The following DPP10 variants were observed in gnomAD, a reference collection of about 807,000 sequenced individuals.
The protein encoded by DPP10 is inactive dipeptidyl peptidase 10.
A neutral mutation model predicts 120.9 loss-of-function variants in DPP10; 33 were observed. That is an observed-to-expected ratio of 0.27 (90% CI 0.21 to 0.37). The LOEUF (loss-of-function observed/expected upper bound fraction) is 0.37, where lower values mean the gene tolerates loss of function less well. Ranked by LOEUF, DPP10 falls within the 10% of genes least tolerant of loss-of-function variation. The probability of loss-of-function intolerance (pLI) is 1.00; values close to 1 mark genes in which losing one functional copy is unlikely to be tolerated. For missense variants in DPP10, 816 were observed against 942.8 expected, an observed-to-expected ratio of 0.87 and a Z score of 1.76; for synonymous variants, 337 against 326.1, an observed-to-expected ratio of 1.03 and a Z score of -0.36.
chr2:114,719,916 G>C (rs1701597308), intron 1 of DPP10, among the ~76,000 whole-genome samples: 1 of 152,304 alleles, frequency 6.6e-6, no homozygotes, highest in African/African-American at 2.4e-5. Flanking sequence ...AAAATCTATT[G>C]GGCCTGCAGA....
chr2:115,650,888 G>C (rs2087711818), intron 5 of DPP10, among the ~76,000 whole-genome samples: 1 of 151,944 alleles, frequency 6.6e-6, no homozygotes, highest in Non-Finnish European at 1.5e-5. Context: ...GTCCAACGAA[G>C]GGAAGAGAAA....
intron 2 of DPP10, among the ~76,000 whole-genome samples, chr2:115,319,781 G>A (rs1464043014): frequency 6.6e-6 from 1 of 152,162 alleles, no homozygotes; most frequent in Non-Finnish European, 1.5e-5. Flanking sequence ...ACTGGTGTCT[G>A]GAGAGGGCTG....
At chr2:115,384,501 A>G (rs188769588) in intron 3 of DPP10, among the ~76,000 whole-genome samples, 87 of 149,138 alleles carry the variant, frequency 5.8e-4, no homozygotes, top group Admixed American at 2.4e-3. Flanking sequence ...GAAGAGGAAA[A>G]GAAGAAGAAG....
At chr2:115,840,877 A>G in intron 25 of DPP10, 54 bp downstream of exon 25, 2 of 1,457,806 alleles carry the variant, frequency 1.4e-6, no homozygotes, top group Non-Finnish European at 1.9e-6. Flanking sequence ...TTCACTTGTG[A>G]GATACGCAAC....
chr2:115,782,371 C>A lies in DPP10; in HGVS notation c.1503C>A (p.Val501=). Residue 501 remains valine (V), a synonymous_variant, in exon 17 of 26, where the codon GTC becomes GTA. Transcript: ENST00000410059. ...LFCEGPRVPV[V]SLHSTDNPAK... is the part of the protein sequence containing the mutation. Reference sequence around the variant, plus strand: ...TTCCAGGTCCAAGGGTCCCAGTGGTCAGCCTACATAGTACGGACAACCCAG... The same window carrying A: ...TTCCAGGTCCAAGGGTCCCAGTGGTAAGCCTACATAGTACGGACAACCCAG... The A allele has an allele frequency of 6.2e-7, 1 of 1,612,042 alleles. No individual in the cohort carries two copies. Among genetic ancestry groups the A allele is most frequent in the South Asian group, 1.1e-5 (1 of 90,930 alleles).
At chr2:114,870,607 A>G (rs1362753711) in intron 1 of DPP10, among the ~76,000 whole-genome samples, 1 of 84,958 alleles carries the variant, frequency 1.2e-5, no homozygotes, top group Non-Finnish European at 2.7e-5. Flanking sequence ...AAAGGTGAAG[A>G]TGTCACCCTA....
At chr2:114,725,942 T>G (rs1702012669) in intron 1 of DPP10, among the ~76,000 whole-genome samples, 1 of 152,074 alleles carries the variant, frequency 6.6e-6, no homozygotes, top group Non-Finnish European at 1.5e-5. Flanking sequence ...CAGCAAAAGT[T>G]CTTCTATAGG....
At chr2:115,010,550 A>G (rs1456029180) in intron 1 of DPP10, among the ~76,000 whole-genome samples, 3 of 151,942 alleles carry the variant, frequency 2.0e-5, no homozygotes, top group South Asian at 4.1e-4. Flanking sequence ...ATGTATGTGT[A>G]TATATATATA....
intron 1 of DPP10, among the ~76,000 whole-genome samples, chr2:115,113,436 C>T (rs573762832): frequency 1.7e-4 from 26 of 151,908 alleles, no homozygotes; most frequent in African/African-American, 6.0e-4. Flanking sequence ...ACGTTTTTTG[C>T]TCTTTTTTGC....
chr2:115,004,417 C>T (rs983998515), intron 1 of DPP10, among the ~76,000 whole-genome samples: 8 of 152,168 alleles, frequency 5.3e-5, no homozygotes, highest in African/African-American at 1.7e-4. Flanking sequence ...GCCTGAGCGA[C>T]GCAGAAGACA....
intron 2 of DPP10, among the ~76,000 whole-genome samples, chr2:115,309,794 C>T (rs2061507115): frequency 6.6e-6 from 1 of 151,936 alleles, no homozygotes; most frequent in Admixed American, 6.6e-5. Flanking sequence ...GTGATCTAAG[C>T]CTCTAAATTT....
At chr2:114,924,949 C>T (rs1262627526) in intron 1 of DPP10, among the ~76,000 whole-genome samples, 6 of 152,162 alleles carry the variant, frequency 3.9e-5, no homozygotes, top group South Asian at 2.1e-4. Flanking sequence ...CGGTGGCTCA[C>T]GCCAGTAATC....
At chr2:115,187,705 T>C (rs900978713) in intron 1 of DPP10, among the ~76,000 whole-genome samples, 4 of 151,932 alleles carry the variant, frequency 2.6e-5, no homozygotes, top group African/African-American at 9.7e-5. Flanking sequence ...GGTGGGAGCA[T>C]GACAAAGCTC....
At chr2:115,413,432 A>C (rs1383668478) in intron 3 of DPP10, among the ~76,000 whole-genome samples, 1 of 152,194 alleles carries the variant, frequency 6.6e-6, no homozygotes, top group Non-Finnish European at 1.5e-5. Context: ...GCTCCACAGT[A>C]GTGGAGCATG....
At chr2:115,699,548 G>A in intron 7 of DPP10, among the ~76,000 whole-genome samples, 1 of 152,204 alleles carries the variant, frequency 6.6e-6, no homozygotes, top group East Asian at 1.9e-4. Flanking sequence ...GTTGCAGTGA[G>A]TTGTGATTTG....
chr2:115,409,030 A>G (rs2068738618), intron 3 of DPP10, among the ~76,000 whole-genome samples: 1 of 152,046 alleles, frequency 6.6e-6, no homozygotes, highest in South Asian at 2.1e-4. Flanking sequence ...TTTTAAAGAT[A>G]AAGGAAGGAA....
intron 7 of DPP10, among the ~76,000 whole-genome samples, chr2:115,698,842 A>G (rs537042512): frequency 8.5e-5 from 13 of 152,280 alleles, no homozygotes; most frequent in African/African-American, 3.1e-4. Context: ...AAACAAAAAA[A>G]GATCTCAAAT....
chr2:114,662,167 C>T (rs1278965620), intron 1 of DPP10, among the ~76,000 whole-genome samples: 4 of 152,146 alleles, frequency 2.6e-5, no homozygotes, highest in East Asian at 1.9e-4. Flanking sequence ...GAAGAGCGAA[C>T]GGTGCGTGAT....
intron 1 of DPP10, among the ~76,000 whole-genome samples, chr2:114,722,936 A>AT (rs1701799961): frequency 6.6e-6 from 1 of 151,894 alleles, no homozygotes; most frequent in Non-Finnish European, 1.5e-5. Context: ...AGAAAAAAAA[A>AT]TTTTTTTCAG....
Sources: gnomAD v4.1 joint callset for allele counts (sites outside exome capture counted in the v4.1 genomes callset) on GRCh38, gnomAD v4.1.1 for gene constraint, MANE v1.5 for transcripts, NCBI Gene and HGNC (gene_info 2026-07-23, HGNC 2026-07-21) for gene names.